Variants in RBFOX1 observed in about 807,000 individuals in gnomAD.
RBFOX1 encodes RNA binding fox-1 homolog 1, also known as RNA binding protein fox-1 homolog 1.
A neutral mutation model predicts 57.7 loss-of-function variants in RBFOX1; 8 were observed. That is an observed-to-expected ratio of 0.14 (90% CI 0.08 to 0.25). The LOEUF is 0.25. RBFOX1 is among the 10% of genes least tolerant of loss of function. The pLI is 1.00. For synonymous variants in RBFOX1, 326 were observed against 222.4 expected (o/e 1.47, Z -4.15); for missense variants, 611 against 548.5 (o/e 1.11, Z -1.14).
At chr16:7,692,289 A>C (rs1366985733) in intron 14 of RBFOX1, among the ~76,000 whole-genome samples, 1 of 152,186 alleles carries the variant, frequency 6.6e-6, no homozygotes, top group Non-Finnish European at 1.5e-5. Flanking sequence ...AATTTAACTG[A>C]ATGTGAAATT....
At chr16:6,782,772 G>A (rs2081249295) in intron 3 of RBFOX1, among the ~76,000 whole-genome samples, 1 of 152,166 alleles carries the variant, frequency 6.6e-6, no homozygotes, top group Non-Finnish European at 1.5e-5. Flanking sequence ...TAAGTCAGAT[G>A]TGTCTTTGTT....
chr16:6,149,107 A>G (rs775145919), intron 1 of RBFOX1, among the ~76,000 whole-genome samples: 1 of 152,242 alleles, frequency 6.6e-6, no homozygotes, highest in African/African-American at 2.4e-5. Context: ...AATACTTAGC[A>G]GTTCTAAAGG....
intron 3 of RBFOX1, among the ~76,000 whole-genome samples, chr16:6,754,070 TAA>T (rs2075394328): frequency 6.6e-6 from 1 of 152,148 alleles, no homozygotes; most frequent in Non-Finnish European, 1.5e-5. Context: ...CATAAAAAAA[TAA>T]AGACACCCAT....
intron 2 of RBFOX1, among the ~76,000 whole-genome samples, chr16:6,377,381 T>C (rs550649786): frequency 6.6e-6 from 1 of 152,164 alleles, no homozygotes; most frequent in Non-Finnish European, 1.5e-5. Context: ...AAAGACCCTA[T>C]TTCCAAATAA....
chr16:5,415,822 A>G (rs74836143), intron 1 of RBFOX1, among the ~76,000 whole-genome samples: 5,091 of 152,274 alleles, frequency 0.033, 104 homozygotes, highest in Non-Finnish European at 0.045. Context: ...AATGTCCTGT[A>G]TCTCCCATTA....
At chr16:6,609,536 G>T (rs2098007877) in intron 2 of RBFOX1, among the ~76,000 whole-genome samples, 1 of 151,842 alleles carries the variant, frequency 6.6e-6, no homozygotes, top group African/African-American at 2.4e-5. Flanking sequence ...TAACAACGGG[G>T]TTTCACTACA....
chr16:7,627,615 G>T (rs1447976499), intron 10 of RBFOX1, among the ~76,000 whole-genome samples: 1 of 152,182 alleles, frequency 6.6e-6, no homozygotes, highest in Non-Finnish European at 1.5e-5. Context: ...TGCTTTGAAT[G>T]ACCTTGTAGG....
chr16:6,990,473 T>A (rs2091242458), intron 3 of RBFOX1, among the ~76,000 whole-genome samples: 2 of 151,934 alleles, frequency 1.3e-5, no homozygotes, highest in South Asian at 4.2e-4. Context: ...TGCAGTGAGT[T>A]GAGATCTCGC....
At chr16:6,132,374 C>T (rs1336260031) in intron 1 of RBFOX1, among the ~76,000 whole-genome samples, 1 of 152,158 alleles carries the variant, frequency 6.6e-6, no homozygotes, top group Non-Finnish European at 1.5e-5. Context: ...ATGCAGTTAC[C>T]ACAGCATGTA....
intron 1 of RBFOX1, among the ~76,000 whole-genome samples, chr16:6,301,225 T>C (rs1233955249): frequency 6.6e-6 from 1 of 152,202 alleles, no homozygotes; most frequent in Non-Finnish European, 1.5e-5. Context: ...TCTAAATCCA[T>C]GTGGAATAAT....
chr16:6,569,631 G>A (rs1450571780), intron 2 of RBFOX1, among the ~76,000 whole-genome samples: 2 of 152,128 alleles, frequency 1.3e-5, no homozygotes, highest in Non-Finnish European at 2.9e-5. Context: ...GAAGTTTCAT[G>A]GGCTCTGTCA....
intron 4 of RBFOX1, among the ~76,000 whole-genome samples, chr16:7,305,819 C>G (rs181143782): frequency 3.3e-5 from 5 of 152,084 alleles, no homozygotes; most frequent in African/African-American, 1.2e-4. Flanking sequence ...TATTTTATTA[C>G]GTTCATTATT....
Position 6,950,302 on chromosome 16 carries a change from C to T in RBFOX1, c.-15-101755C>T, listed in dbSNP as rs558204482. On this transcript the variant is annotated intron_variant, in intron 3 of 15. Transcript: ENST00000550418. ...CAGAACCATGCTCCCCTCTGCATCT[C>T]ACAGCCTCATGTACACACCCATTGC... Among the ~76,000 whole-genome samples, 10 of 152,012 alleles carry T rather than the reference C, an allele frequency of 6.6e-5. No homozygotes were observed. In the East Asian group the frequency reaches 7.8e-4, roughly 12 times the overall value.
At chr16:6,733,420 C>G (rs1158477896) in intron 3 of RBFOX1, among the ~76,000 whole-genome samples, 2 of 152,238 alleles carry the variant, frequency 1.3e-5, no homozygotes, top group Non-Finnish European at 2.9e-5. Context: ...TGAACCCACT[C>G]AGTCCTACAG....
intron 4 of RBFOX1, among the ~76,000 whole-genome samples, chr16:7,260,647 T>G (rs1260712471): frequency 6.6e-6 from 1 of 152,184 alleles, no homozygotes; most frequent in African/African-American, 2.4e-5. Flanking sequence ...TGGTGTTATA[T>G]TCCATTAGTT....
intron 3 of RBFOX1, among the ~76,000 whole-genome samples, chr16:5,618,600 G>C (rs1377764076): frequency 6.6e-6 from 1 of 152,176 alleles, no homozygotes; most frequent in Non-Finnish European, 1.5e-5. Flanking sequence ...GCCTCCCAAA[G>C]TGCTGGGATC....
At chr16:6,367,491 C>G (rs541908936) in intron 2 of RBFOX1, among the ~76,000 whole-genome samples, 7 of 152,026 alleles carry the variant, frequency 4.6e-5, no homozygotes, top group African/African-American at 1.2e-4. Flanking sequence ...AGGCTGGCCC[C>G]GAACTCCTGA....
intron 4 of RBFOX1, among the ~76,000 whole-genome samples, chr16:7,301,468 A>G (rs9674069): frequency 0.78 from 118,972 of 152,176 alleles, 46,678 homozygotes; most frequent in East Asian, 0.95. Flanking sequence ...AGGGAATGTC[A>G]GAGCCGTTAT....
chr16:6,449,780 C>T (rs1466587106), intron 2 of RBFOX1, among the ~76,000 whole-genome samples: 1 of 152,154 alleles, frequency 6.6e-6, no homozygotes, highest in Non-Finnish European at 1.5e-5. Context: ...TTATTAGCAA[C>T]GTACTGCAGC....
Sources: allele counts gnomAD v4.1 joint callset (sites outside exome capture counted in the v4.1 genomes callset), GRCh38; gene constraint gnomAD v4.1.1; transcripts MANE v1.5; gene names NCBI Gene and HGNC (gene_info 2026-07-23, HGNC 2026-07-21).